NAA20: variants seen among roughly 807,000 people sequenced by gnomAD.
The protein encoded by NAA20 is N-alpha-acetyltransferase 20.
NAA20 carries 24 observed loss-of-function variants against 23.8 expected under a neutral mutation model. That is an observed-to-expected ratio of 1.01 (90% confidence interval 0.73 to 1.42). The LOEUF is 1.42. Among genes scored for constraint, NAA20 ranks in the 40% most tolerant of loss-of-function variants. NAA20 has a pLI of 0.00. For synonymous variants in NAA20, 83 were observed against 77.7 expected, an observed-to-expected ratio of 1.07 and a Z score of -0.36; for missense variants, 166 against 223.1, an observed-to-expected ratio of 0.74 and a Z score of 1.63.
At chr20:20,032,112 C>T (rs1362922671) in intron 4 of NAA20, among the ~76,000 whole-genome samples, 1 of 149,536 alleles carries the variant, frequency 6.7e-6, no homozygotes, top group Non-Finnish European at 1.5e-5. Flanking sequence ...AGCCCAGCCA[C>T]TCTTGAAGCT....
At position 20,021,082 on chromosome 20, in the gene NAA20, CT is replaced by C. The variant is rs539498979; in HGVS notation, c.54-1372del. Among the ~76,000 whole-genome samples, 576 of 144,290 alleles carry C rather than the reference CT, an allele frequency of 4.0e-3. 4 individuals are homozygous for C. Among genetic ancestry groups the C allele is most frequent in the African/African-American group, 0.013 (522 of 38,862 alleles). The allele number at this position is 144,290 out of a possible 152,430, so 94.7% of individuals were successfully genotyped here. On this transcript the variant is annotated intron_variant, in intron 1 of 5. Transcript: ENST00000334982. ...TGGCAAAGACTTCTTCCTGTTTTCT[CT>C]TCTTAGTGATGAAATAGGAAGCCCC... is the stretch of plus-strand genomic sequence containing the variant.
rs1009245284 is a variant in NAA20 at position 20,018,109 on chromosome 20, G to A, written c.53+660G>A. ...TGTACACACCTTTCCTCTGTGAGGA[G>A]TCACGGCAGATCTTAGGGGAGGCTC... On this transcript the variant is annotated intron_variant, in intron 1 of 5. Transcript: ENST00000334982. 5.0e-6 allele frequency: 8 copies of A among 1,607,228 alleles called. No individual in the cohort carries two copies. In the African/African-American group the frequency reaches 6.7e-5, roughly 13 times the overall value.
At chr20:20,025,041 G>T (rs2043297924) in intron 2 of NAA20, among the ~76,000 whole-genome samples, 1 of 151,392 alleles carries the variant, frequency 6.6e-6, no homozygotes, top group African/African-American at 2.4e-5. Context: ...GAAGAGTGAA[G>T]TCATGAGCAA....
At position 20,033,417 on chromosome 20, in the gene NAA20, C is replaced by G. The variant is rs2043363162; in HGVS notation, c.*230C>G. 2.3e-6 allele frequency: 1 copy of G among 430,712 alleles called. No individual in the cohort carries two copies. Among genetic ancestry groups the G allele is most frequent in the Non-Finnish European group, 4.2e-6 (1 of 239,892 alleles). 26.7% of individuals were successfully genotyped at this position (430,712 alleles called of 1,614,324 possible). On this transcript the variant is annotated 3_prime_UTR_variant, in exon 6 of 6. Transcript: ENST00000334982. ...AATTCAATCAAAAAGGCAGCTAGGTCAGAAGGAAACATACCACTCTCATGG... is the reference window on the plus strand; with the variant it reads ...AATTCAATCAAAAAGGCAGCTAGGTGAGAAGGAAACATACCACTCTCATGG...
intron 1 of NAA20, among the ~76,000 whole-genome samples, chr20:20,020,442 CCT>C (rs1424394055): frequency 6.6e-6 from 1 of 152,120 alleles, no homozygotes; most frequent in African/African-American, 2.4e-5. Flanking sequence ...TGAAGACACC[CCT>C]GTTTCAAATA....
At position 20,018,018 on chromosome 20, in the gene NAA20, G is replaced by A. The variant is rs748598995; in HGVS notation, c.53+569G>A. ...AATGACACTGATCACTGCGTCCCCT[G>A]CAGCAGATGCTGTCTCAGTCATGGT... On this transcript the variant is annotated intron_variant, in intron 1 of 5. Transcript: ENST00000334982. The A allele has an allele frequency of 1.9e-6, 3 of 1,614,214 alleles. No individual in the cohort carries two copies. In the South Asian group the frequency reaches 3.3e-5, roughly 18 times the overall value.
At chr20:20,027,263 T>TG (rs2043312838) in intron 4 of NAA20, among the ~76,000 whole-genome samples, 1 of 152,224 alleles carries the variant, frequency 6.6e-6, no homozygotes, top group African/African-American at 2.4e-5. Context: ...TCTGAATAAA[T>TG]TTTTAGCAGT....
At chr20:20,032,100 C>G (rs1313153228) in intron 4 of NAA20, among the ~76,000 whole-genome samples, 4 of 149,082 alleles carry the variant, frequency 2.7e-5, no homozygotes, top group South Asian at 4.1e-4. Context: ...GACTTGTGCA[C>G]AAGCCCAGCC....
intron 4 of NAA20, among the ~76,000 whole-genome samples, chr20:20,028,344 G>A (rs2043320503): frequency 6.6e-6 from 1 of 152,012 alleles, no homozygotes; most frequent in East Asian, 1.9e-4. Flanking sequence ...GTCGGGGGTG[G>A]GGGTCTAAGG....
intron 1 of NAA20, among the ~76,000 whole-genome samples, chr20:20,019,882 G>C (rs1201673287): frequency 6.6e-6 from 1 of 152,138 alleles, no homozygotes; most frequent in Non-Finnish European, 1.5e-5. Context: ...CACCACACCT[G>C]GTTCCCATTT....
At chr20:20,022,261 A>AAT (rs1478711182) in intron 1 of NAA20, among the ~76,000 whole-genome samples, 195 bp from the exon 2 acceptor site, 1 of 152,220 alleles carries the variant, frequency 6.6e-6, no homozygotes, top group Non-Finnish European at 1.5e-5. Flanking sequence ...TAAACACCTT[A>AAT]ATAGTGGCTG....
Position 20,017,458 on chromosome 20 carries a change from C to T in NAA20, c.53+9C>T, listed in dbSNP as rs1400958614. 1.2e-6 allele frequency: 2 copies of T among 1,608,830 alleles called. No individual in the cohort carries two copies. Among genetic ancestry groups the T allele is most frequent in the Non-Finnish European group, 1.7e-6 (2 of 1,178,350 alleles). On this transcript the variant is annotated intron_variant, in intron 1 of 5. Coordinates refer to ENST00000334982, the MANE Select transcript of NAA20 (RefSeq NM_016100.5). ...TTCCGCTTCAACAACATGTGAGTGA[C>T]ACGCGCCTAGGGCCAGCCGCTCTTG...
At chr20:20,017,545 C>G (rs1258307401) in intron 1 of NAA20, 96 bp downstream of exon 1, 1 of 1,468,182 alleles carries the variant, frequency 6.8e-7, no homozygotes, top group East Asian at 2.7e-5. Context: ...CGGCCGGACC[C>G]CAAGCCCGGA....
Position 20,026,882 on chromosome 20 carries a change from GCTAAACTTATGGAGTTA to G in NAA20, c.272_288del (p.Lys91ArgfsTer20). 6.2e-7 allele frequency: 1 copy of G among 1,614,176 alleles called. No individual in the cohort carries two copies. The highest frequency in any genetic ancestry group is 8.5e-7 in the Non-Finnish European group (1 of 1,180,028). On this transcript the variant is annotated frameshift_variant, in exon 4 of 6. Coordinates refer to ENST00000334982, the MANE Select transcript of NAA20 (RefSeq NM_016100.5). LOFTEE classifies it high-confidence loss of function. Reference sequence around the variant, plus strand: ...AGAATTTCGACGCCTTGGTTTGGCTGCTAAACTTATGGAGTTACTAGAGGAGATTTCAGAAAGGTGAG... The same window carrying G: ...AGAATTTCGACGCCTTGGTTTGGCTGCTAGAGGAGATTTCAGAAAGGTGAG...
rs2043347585 is a variant in NAA20 at position 20,032,089 on chromosome 20, T to C, written c.306-419T>C. 3.9e-5 allele frequency among the ~76,000 whole-genome samples: 6 copies of C among 152,054 alleles called. No homozygotes were observed. The South Asian group carries it at 1.0e-3, about 26-fold the overall frequency. On this transcript the variant is annotated intron_variant, in intron 4 of 5. Transcript: ENST00000334982. ...AGAAACGTATCAACAGGACCGTGAATGACTTGTGCACAAGCCCAGCCACTC... is the reference window on the plus strand; with the variant it reads ...AGAAACGTATCAACAGGACCGTGAACGACTTGTGCACAAGCCCAGCCACTC...
Position 20,033,189 on chromosome 20 carries a change from C to G in NAA20, c.*2C>G, listed in dbSNP as rs758682110. ...GTGAGGCCTGAAGACATTGAATAAC[C>G]CTGGGCAGTGGTTCTTAGGCAGATA... On this transcript the variant is annotated 3_prime_UTR_variant, in exon 6 of 6. Coordinates refer to ENST00000334982, the MANE Select transcript of NAA20 (RefSeq NM_016100.5). 6.2e-7 allele frequency: 1 copy of G among 1,606,120 alleles called. No homozygotes were observed. Among genetic ancestry groups the G allele is most frequent in the Admixed American group, 1.7e-5 (1 of 59,904 alleles).
rs991066199 is a variant in NAA20, at chr20:20,033,450, T to C, written c.*263T>C. The C allele has an allele frequency of 5.7e-6, 2 of 350,590 alleles. No homozygotes were observed. The highest frequency in any genetic ancestry group is 1.0e-5 in the Non-Finnish European group (2 of 191,528). The allele number at this position is 350,590 out of a possible 1,614,324, so 21.7% of individuals were successfully genotyped here. ...AACATACCACTCTCATGGTTCATAG[T>C]ATTCACTGTATGTATGCTAGGGAAA... On this transcript the variant is annotated 3_prime_UTR_variant, in exon 6 of 6. Transcript: ENST00000334982.
chr20:20,018,495 C>A (rs1269513614), intron 1 of NAA20: 2 of 173,500 alleles, frequency 1.2e-5, no homozygotes, highest in African/African-American at 2.4e-5. Flanking sequence ...AGGGGGTGAG[C>A]CTTGAAGATG....
In NAA20 at chr20:20,033,122, A is replaced by T; in HGVS notation, c.472A>T (p.Arg158Trp). 5.6e-6 allele frequency: 9 copies of T among 1,613,438 alleles called. No homozygotes were observed. Among genetic ancestry groups the T allele is most frequent in the Non-Finnish European group, 7.6e-6 (9 of 1,179,422 alleles). The part of the protein sequence containing the change: ...DAYDMRKALS[R>W]DTEKKSIIPL... ...TACAGATATGAGGAAAGCACTTTCCAGGGATACTGAGAAGAAATCCATCAT... is the reference window on the plus strand; with the variant it reads ...TACAGATATGAGGAAAGCACTTTCCTGGGATACTGAGAAGAAATCCATCAT... The change falls in exon 6 of 6, where the codon AGG becomes TGG. Residue 158 changes from arginine (R) to tryptophan (W), a missense_variant. Physicochemically the swap from Arg to Trp is moderately radical, Grantham distance 101. Transcript: ENST00000334982.
Sources: gnomAD v4.1 joint callset for allele counts (sites outside exome capture counted in the v4.1 genomes callset) on GRCh38, gnomAD v4.1.1 for gene constraint, MANE v1.5 for transcripts, NCBI Gene and HGNC (gene_info 2026-07-23, HGNC 2026-07-21) for gene names.